NEK1: variants seen among roughly 807,000 people sequenced by gnomAD.
NEK1 encodes the protein NIMA related kinase 1.
Under a neutral mutation model 182.1 loss-of-function variants are expected in NEK1, and 137 were observed. That is an observed-to-expected ratio of 0.75 (90% CI 0.65 to 0.87). NEK1 has a LOEUF of 0.87. Ranked by LOEUF, NEK1 falls within the 40% of genes least tolerant of loss-of-function variation. The probability of loss-of-function intolerance (pLI) is 0.00; values close to 1 mark genes in which losing one functional copy is unlikely to be tolerated. For synonymous variants in NEK1, 513 were observed against 492.2 expected, an observed-to-expected ratio of 1.04 and a Z score of -0.56; for missense variants, 1,391 against 1,494.4, an observed-to-expected ratio of 0.93 and a Z score of 1.14.
chr4:169,410,318 G>A (rs1733451358), intron 31 of NEK1, among the ~76,000 whole-genome samples: 1 of 151,796 alleles, frequency 6.6e-6, no homozygotes, highest in Admixed American at 6.6e-5. Context: ...TTTATTGCTG[G>A]TTAGTTCTAT....
At chr4:169,602,173 G>C in intron 3 of NEK1, 69 bp from the exon 4 acceptor site, 1 of 1,078,602 alleles carries the variant, frequency 9.3e-7, no homozygotes, top group Non-Finnish European at 1.4e-6. Flanking sequence ...CCATCAATAG[G>C]TGAGTGGTTA....
At chr4:169,590,161 T>C (rs1489615217) in intron 6 of NEK1, among the ~76,000 whole-genome samples, 4 of 151,862 alleles carry the variant, frequency 2.6e-5, no homozygotes, top group African/African-American at 9.7e-5. Flanking sequence ...TAAAAAAAAT[T>C]GCCAGGCATG....
chr4:169,439,330 C>G (rs1738996648), intron 27 of NEK1, among the ~76,000 whole-genome samples: 1 of 152,174 alleles, frequency 6.6e-6, no homozygotes, highest in Non-Finnish European at 1.5e-5. Flanking sequence ...CTAGCAGGAA[C>G]TGTCCTTAGC....
chr4:169,518,548 C>G (rs1303408752), intron 19 of NEK1, among the ~76,000 whole-genome samples: 1 of 85,796 alleles, frequency 1.2e-5, no homozygotes, highest in East Asian at 3.6e-4. Context: ...CTTCTGCTAG[C>G]TTTTGAATGT....
chr4:169,504,069 T>C (rs1189646712), intron 23 of NEK1, among the ~76,000 whole-genome samples: 1 of 152,164 alleles, frequency 6.6e-6, no homozygotes, highest in East Asian at 1.9e-4. Flanking sequence ...GCAAAAGATC[T>C]AAATAGACAT....
chr4:169,400,442 T>C lies in NEK1; in HGVS notation c.3714+79A>G, dbSNP rs960047273. 2.7e-6 allele frequency: 4 copies of C among 1,456,512 alleles called. No individual in the cohort carries two copies. In the African/African-American group the frequency reaches 4.3e-5, roughly 16 times the overall value. 90.2% of individuals were successfully genotyped at this position (1,456,512 alleles called of 1,614,324 possible). ...CACTTTTTATTTATAATAAATCTAA[T>C]GACCAATACAGATTATCAACATTTC... is the stretch of plus-strand genomic sequence containing the variant. On this transcript the variant is annotated intron_variant, in intron 34 of 35. Coordinates refer to ENST00000507142, the MANE Select transcript of NEK1 (RefSeq NM_001199397.3).
At chr4:169,536,192 G>A (rs956714759) in intron 19 of NEK1, among the ~76,000 whole-genome samples, 59 of 151,164 alleles carry the variant, frequency 3.9e-4, no homozygotes, top group Non-Finnish European at 8.8e-5. Flanking sequence ...AGCTACTTGG[G>A]AGGCTGAGGC....
chr4:169,448,541 G>C (rs946442636), intron 27 of NEK1, among the ~76,000 whole-genome samples: 3 of 152,122 alleles, frequency 2.0e-5, no homozygotes, highest in African/African-American at 7.2e-5. Context: ...AGGAAGAGAA[G>C]TCCACAAAAC....
At chr4:169,547,725 C>A (rs376230533) in intron 18 of NEK1, among the ~76,000 whole-genome samples, 9 of 152,242 alleles carry the variant, frequency 5.9e-5, no homozygotes, top group East Asian at 5.8e-4. Flanking sequence ...TTGAGTTGAT[C>A]TTCAATCTCT....
chr4:169,405,011 C>T (rs1732343766), intron 32 of NEK1, among the ~76,000 whole-genome samples: 1 of 152,140 alleles, frequency 6.6e-6, no homozygotes. Flanking sequence ...GGTCGACCTG[C>T]TAACTCCCCA....
chr4:169,428,954 C>A (rs1736923021), intron 29 of NEK1, among the ~76,000 whole-genome samples: 1 of 151,994 alleles, frequency 6.6e-6, no homozygotes, highest in Non-Finnish European at 1.5e-5. Context: ...CTTTTAGGTG[C>A]TGTATTATAT....
rs750205555 is a variant in NEK1 at position 169,508,352 on chromosome 4, C to T, written c.1750-21G>A. 17 of 1,526,792 alleles carry T rather than the reference C, an allele frequency of 1.1e-5. No homozygotes were observed. The Middle Eastern group carries it at 6.7e-4, about 60-fold the overall frequency. The allele number at this position is 1,526,792 out of a possible 1,614,324, so 94.6% of individuals were successfully genotyped here. ...TAAACCTACAAGGAGGCAAAAACCCCAACATAATAATGTAAAAGCAAAGCT... is the reference window on the plus strand; with the variant it reads ...TAAACCTACAAGGAGGCAAAAACCCTAACATAATAATGTAAAAGCAAAGCT... On this transcript the variant is annotated intron_variant, in intron 20 of 35. Coordinates refer to ENST00000507142, the MANE Select transcript of NEK1 (RefSeq NM_001199397.3).
At chr4:169,603,459 TATCTC>T (rs1395341785) in intron 2 of NEK1, among the ~76,000 whole-genome samples, 1 of 152,212 alleles carries the variant, frequency 6.6e-6, no homozygotes, top group Non-Finnish European at 1.5e-5. Context: ...GCAAGTTACT[TATCTC>T]TATGTGCTCA....
intron 23 of NEK1, among the ~76,000 whole-genome samples, chr4:169,486,919 T>C (rs900250575): frequency 2.0e-5 from 3 of 152,212 alleles, no homozygotes; most frequent in Non-Finnish European, 4.4e-5. Context: ...TGCTACCCTT[T>C]TAAAAAACTG....
chr4:169,473,514 C>T (rs1266570282), intron 26 of NEK1, among the ~76,000 whole-genome samples: 1 of 152,064 alleles, frequency 6.6e-6, no homozygotes, highest in Non-Finnish European at 1.5e-5. Flanking sequence ...TGCACATGTA[C>T]ACCCTGAATC....
intron 23 of NEK1, among the ~76,000 whole-genome samples, chr4:169,501,626 A>G (rs905793629): frequency 6.6e-6 from 1 of 152,210 alleles, no homozygotes; most frequent in Non-Finnish European, 1.5e-5. Context: ...ATACATGGAA[A>G]GTAAACAACC....
At position 169,589,566 on chromosome 4, in the gene NEK1, T is replaced by C. The variant is rs1355454523; in HGVS notation, c.397-52A>G. 4.0e-5 allele frequency: 44 copies of C among 1,096,010 alleles called. 1 individual carries two copies. The South Asian group carries it at 6.4e-4, about 16-fold the overall frequency. The allele number at this position is 1,096,010 out of a possible 1,614,324, so 67.9% of individuals were successfully genotyped here. On this transcript the variant is annotated intron_variant, in intron 6 of 35. Coordinates refer to ENST00000507142, the MANE Select transcript of NEK1 (RefSeq NM_001199397.3). ...CCTAGAAATATTGTTACAGTCCAGT[T>C]CTAAGTCAACATTTTTCATAAAATT...
At chr4:169,397,778 A>G (rs1358866984) in intron 35 of NEK1, among the ~76,000 whole-genome samples, 2 of 152,182 alleles carry the variant, frequency 1.3e-5, no homozygotes, top group Non-Finnish European at 2.9e-5. Flanking sequence ...TTGTCAAAAG[A>G]GGGTGTCAAT....
intron 5 of NEK1, among the ~76,000 whole-genome samples, chr4:169,595,922 C>CAA (rs56313001): frequency 0.032 from 2,141 of 66,108 alleles, 62 homozygotes; most frequent in Non-Finnish European, 0.036. Flanking sequence ...GACTCCACCT[C>CAA]AAAAAAAAAA....
Sources: allele counts gnomAD v4.1 joint callset (sites outside exome capture counted in the v4.1 genomes callset), GRCh38; gene constraint gnomAD v4.1.1; transcripts MANE v1.5; gene names NCBI Gene and HGNC (gene_info 2026-07-23, HGNC 2026-07-21).